The following MACROD2 variants were observed in gnomAD, a reference collection of about 807,000 sequenced individuals.
The protein encoded by MACROD2 is mono-ADP ribosylhydrolase 2.
Under a neutral mutation model 70.4 loss-of-function variants are expected in MACROD2, and 36 were observed. That is an observed-to-expected ratio of 0.51 (90% confidence interval 0.39 to 0.68). The LOEUF is 0.68. Among genes scored for constraint, MACROD2 ranks in the 30% least tolerant of loss-of-function variants. The pLI is 0.00. For missense variants in MACROD2, 496 were observed against 538.4 expected, an observed-to-expected ratio of 0.92 and a Z score of 0.78; for synonymous variants, 172 against 178.8, an observed-to-expected ratio of 0.96 and a Z score of 0.30.
chr20:15,374,171 A>G (rs1945671568), intron 6 of MACROD2, among the ~76,000 whole-genome samples: 2 of 152,028 alleles, frequency 1.3e-5, no homozygotes, highest in African/African-American at 4.8e-5. Flanking sequence ...TAATTTCTAT[A>G]TATATATGCA....
intron 2 of MACROD2, among the ~76,000 whole-genome samples, chr20:14,040,747 T>TA (rs972403324): frequency 1.3e-5 from 2 of 152,196 alleles, no homozygotes; most frequent in Non-Finnish European, 2.9e-5. Flanking sequence ...TTATGACAGC[T>TA]ACAGCATCAT....
At chr20:15,713,993 A>ATG (rs2146921670) in intron 8 of MACROD2, among the ~76,000 whole-genome samples, 1 of 125,758 alleles carries the variant, frequency 8.0e-6, no homozygotes, top group African/African-American at 4.8e-5. Flanking sequence ...ATATGCACAC[A>ATG]CACACACACA....
chr20:15,383,948 T>G (rs577638459), intron 6 of MACROD2, among the ~76,000 whole-genome samples: 63 of 152,324 alleles, frequency 4.1e-4, no homozygotes, highest in African/African-American at 1.5e-3. Flanking sequence ...TCAGCTATTT[T>G]TTTTTCTAGG....
intron 3 of MACROD2, among the ~76,000 whole-genome samples, chr20:14,212,231 A>T (rs766204110): frequency 2.6e-5 from 4 of 152,180 alleles, no homozygotes; most frequent in Non-Finnish European, 4.4e-5. Context: ...TAAATGGCCT[A>T]CAGGTAACAC....
At chr20:14,439,928 GA>G (rs966285618) in intron 3 of MACROD2, among the ~76,000 whole-genome samples, 20 of 152,298 alleles carry the variant, frequency 1.3e-4, no homozygotes, top group African/African-American at 4.6e-4. Context: ...GAAAGCCCAT[GA>G]AAATGAGACT....
intron 3 of MACROD2, among the ~76,000 whole-genome samples, chr20:14,475,654 T>C (rs2084584721): frequency 6.6e-6 from 1 of 152,136 alleles, no homozygotes; most frequent in South Asian, 2.1e-4. Context: ...GATGGAAAGC[T>C]TTGGTGGATA....
intron 5 of MACROD2, among the ~76,000 whole-genome samples, chr20:14,882,237 T>C (rs1203107291): frequency 6.6e-6 from 1 of 152,182 alleles, no homozygotes; most frequent in Non-Finnish European, 1.5e-5. Context: ...ATTGTCAATA[T>C]TTGATGAGTA....
At position 15,825,499 on chromosome 20, in the gene MACROD2, T is replaced by G. The variant is rs144923728; in HGVS notation, c.646-37246T>G. ...ACATGATAAAATGGTTTTTTTTTGT[T>G]GTTGGTTTTTTTTTTTCGAGACAGA... On this transcript the variant is annotated intron_variant, in intron 8 of 17. Coordinates refer to ENST00000684519, the MANE Select transcript of MACROD2 (RefSeq NM_001351661.2). Among the ~76,000 whole-genome samples the G allele has an allele frequency of 2.9e-3, 435 of 151,778 alleles. 1 individual carries two copies. Among genetic ancestry groups the G allele is most frequent in the African/African-American group, 0.01 (419 of 41,432 alleles).
At chr20:15,961,124 A>G (rs142331701) in intron 12 of MACROD2, among the ~76,000 whole-genome samples, 35 of 152,344 alleles carry the variant, frequency 2.3e-4, no homozygotes, top group African/African-American at 7.9e-4. Flanking sequence ...GCAGCCACCC[A>G]TATTTTAAAA....
At chr20:15,536,339 C>T (rs965600343) in intron 8 of MACROD2, among the ~76,000 whole-genome samples, 1 of 152,114 alleles carries the variant, frequency 6.6e-6, no homozygotes, top group African/African-American at 2.4e-5. Flanking sequence ...ATGAAGAGAC[C>T]GGAGCCTGCA....
At chr20:15,723,127 CTTTATT>C (rs567678683) in intron 8 of MACROD2, among the ~76,000 whole-genome samples, 234 of 152,146 alleles carry the variant, frequency 1.5e-3, no homozygotes, top group Non-Finnish European at 2.8e-3. Flanking sequence ...AAAGAAAAAA[CTTTATT>C]TTTAGAGCAT....
At chr20:14,682,418 T>A (rs1237413235) in intron 4 of MACROD2, among the ~76,000 whole-genome samples, 1 of 151,484 alleles carries the variant, frequency 6.6e-6, no homozygotes, top group African/African-American at 2.4e-5. Flanking sequence ...TATATGTGTG[T>A]GTGCTGAATA....
chr20:15,460,357 C>A (rs1055426818), intron 7 of MACROD2, among the ~76,000 whole-genome samples: 1 of 152,126 alleles, frequency 6.6e-6, no homozygotes, highest in Non-Finnish European at 1.5e-5. Context: ...ACCCTCCAAC[C>A]CCTGTAGCAC....
chr20:15,263,694 C>T (rs545036678), intron 6 of MACROD2, among the ~76,000 whole-genome samples: 2 of 151,972 alleles, frequency 1.3e-5, no homozygotes, highest in Admixed American at 6.6e-5. Flanking sequence ...TGTGTGTGTC[C>T]TCTTCAATTT....
rs1343446980 is a variant in MACROD2, at chr20:15,152,644, A to ACT, written c.419-77295_419-77294insTC. On this transcript the variant is annotated intron_variant, in intron 5 of 17. Transcript: ENST00000684519. ...CCAGAAAAGCGGAGAAGGGGTAGAG[A>ACT]CACAGAGAAGGGGTTGGGGTTCTTG... 1.1e-3 allele frequency among the ~76,000 whole-genome samples: 104 copies of ACT among 97,484 alleles called. 1 individual carries two copies. Among genetic ancestry groups the ACT allele is most frequent in the African/African-American group, 3.8e-3 (101 of 26,852 alleles). 64.0% of individuals were successfully genotyped at this position (97,484 alleles called of 152,430 possible).
chr20:14,005,499 T>C (rs1210458562), intron 2 of MACROD2, among the ~76,000 whole-genome samples: 2 of 152,202 alleles, frequency 1.3e-5, no homozygotes, highest in Admixed American at 6.5e-5. Context: ...GTACTGTCTC[T>C]AGCACCTGGA....
rs552958736 is a variant in MACROD2 at position 14,899,658 on chromosome 20, A to C, written c.418+214699A>C. Reference sequence around the variant, plus strand: ...TACTTCTGTAAAGATCATATCTCCAAACAAGGTCACATTCTGAAGTACCGG... The same window carrying C: ...TACTTCTGTAAAGATCATATCTCCACACAAGGTCACATTCTGAAGTACCGG... On this transcript the variant is annotated intron_variant, in intron 5 of 17. Transcript: ENST00000684519. 5.9e-5 allele frequency among the ~76,000 whole-genome samples: 9 copies of C among 152,260 alleles called. No homozygotes were observed. In the South Asian group the frequency reaches 1.9e-3, roughly 32 times the overall value.
intron 6 of MACROD2, among the ~76,000 whole-genome samples, chr20:15,414,820 T>A (rs149870483): frequency 1.3e-5 from 2 of 152,220 alleles, no homozygotes; most frequent in Admixed American, 6.5e-5. Context: ...CTTCTAAATA[T>A]GTCCACAGAT....
At chr20:14,114,516 A>T (rs918834771) in intron 3 of MACROD2, among the ~76,000 whole-genome samples, 18 of 152,166 alleles carry the variant, frequency 1.2e-4, no homozygotes, top group African/African-American at 4.3e-4. Flanking sequence ...TTCTCTAGGC[A>T]TCTGTAGCTC....
Sources: allele counts gnomAD v4.1 joint callset (sites outside exome capture counted in the v4.1 genomes callset), GRCh38; gene constraint gnomAD v4.1.1; transcripts MANE v1.5; gene names NCBI Gene and HGNC (gene_info 2026-07-23, HGNC 2026-07-21).